Variants in CCDC148 observed in about 807,000 individuals in gnomAD.
The protein encoded by CCDC148 is coiled-coil domain containing 148.
Under a neutral mutation model 85.7 loss-of-function variants are expected in CCDC148, and 89 were observed. The observed-to-expected ratio is 1.04, with a 90% confidence interval of 0.87 to 1.24. The LOEUF (loss-of-function observed/expected upper bound fraction) is 1.24, where lower values mean the gene tolerates loss of function less well. Ranked by LOEUF, CCDC148 falls within the 50% of genes most tolerant of loss-of-function variation. The pLI, the probability that CCDC148 is intolerant of heterozygous loss-of-function variation, is 0.00. For synonymous variants in CCDC148, 230 were observed against 213.9 expected, an observed-to-expected ratio of 1.08 and a Z score of -0.66; for missense variants, 692 against 671.7, an observed-to-expected ratio of 1.03 and a Z score of -0.33.
chr2:158,203,487 T>C (rs55881207), intron 11 of CCDC148, among the ~76,000 whole-genome samples: 15,952 of 152,088 alleles, frequency 0.1, 1,241 homozygotes, highest in African/African-American at 0.23. Context: ...GCAAATGAGT[T>C]GAAAGCATAC....
chr2:158,390,461 G>A (rs1685257655), intron 1 of CCDC148, among the ~76,000 whole-genome samples: 1 of 152,110 alleles, frequency 6.6e-6, no homozygotes, highest in Admixed American at 6.6e-5. Context: ...AAAAAGAGTG[G>A]TGGGGCTGCA....
At chr2:158,330,713 C>T (rs1693057185) in intron 7 of CCDC148, among the ~76,000 whole-genome samples, 1 of 152,130 alleles carries the variant, frequency 6.6e-6, no homozygotes, top group Admixed American at 6.6e-5. Flanking sequence ...TTCAGAGATT[C>T]AACTTCTTCC....
intron 10 of CCDC148, among the ~76,000 whole-genome samples, chr2:158,243,096 T>C (rs1688419917): frequency 6.6e-6 from 1 of 152,078 alleles, no homozygotes; most frequent in African/African-American, 2.4e-5. Flanking sequence ...TTCTCTGCCT[T>C]GCAGTAAGTA....
At chr2:158,223,595 A>G (rs552594556) in intron 10 of CCDC148, among the ~76,000 whole-genome samples, 5 of 152,184 alleles carry the variant, frequency 3.3e-5, no homozygotes, top group Non-Finnish European at 7.3e-5. Flanking sequence ...GACACCTCAC[A>G]TGGCTGGGTA....
At chr2:158,379,435 C>A (rs960069285) in intron 1 of CCDC148, among the ~76,000 whole-genome samples, 4 of 151,992 alleles carry the variant, frequency 2.6e-5, no homozygotes, top group African/African-American at 9.7e-5. Flanking sequence ...TAAAGGATTT[C>A]GAATATTATA....
intron 9 of CCDC148, among the ~76,000 whole-genome samples, chr2:158,294,844 C>A (rs954574345): frequency 6.9e-5 from 10 of 145,694 alleles, no homozygotes; most frequent in South Asian, 2.2e-4. Context: ...CAAAAAAAAA[C>A]CTGCCAAAAT....
intron 1 of CCDC148, among the ~76,000 whole-genome samples, chr2:158,408,177 C>T (rs1220153246): frequency 1.3e-5 from 2 of 151,966 alleles, no homozygotes; most frequent in Non-Finnish European, 2.9e-5. Flanking sequence ...ACAATGTGTA[C>T]CACAATCTAA....
intron 10 of CCDC148, among the ~76,000 whole-genome samples, chr2:158,246,425 C>T (rs1281893147): frequency 6.6e-6 from 1 of 152,146 alleles, no homozygotes; most frequent in Admixed American, 6.5e-5. Flanking sequence ...ACATGGAAAT[C>T]TCCTTTCCTA....
chr2:158,264,222 A>G (rs1476846881), intron 9 of CCDC148, among the ~76,000 whole-genome samples: 1 of 152,076 alleles, frequency 6.6e-6, no homozygotes, highest in Non-Finnish European at 1.5e-5. Flanking sequence ...GAAACCTTCA[A>G]TGAGAATACT....
chr2:158,214,540 G>A (rs1474856862), intron 11 of CCDC148, among the ~76,000 whole-genome samples: 5 of 152,136 alleles, frequency 3.3e-5, no homozygotes, highest in African/African-American at 1.2e-4. Flanking sequence ...CAAGAGGCCA[G>A]AAAAAGCACA....
At chr2:158,421,539 A>G (rs894514855) in intron 1 of CCDC148, among the ~76,000 whole-genome samples, 14 of 152,230 alleles carry the variant, frequency 9.2e-5, no homozygotes, top group Admixed American at 7.9e-4. Context: ...TTTGAAACCA[A>G]TGAGAACAAA....
chr2:158,286,237 A>G (rs1690618595), intron 9 of CCDC148, among the ~76,000 whole-genome samples: 1 of 152,204 alleles, frequency 6.6e-6, no homozygotes, highest in Admixed American at 6.5e-5. Flanking sequence ...CTGGCAAAAG[A>G]TTGTATAGCA....
chr2:158,221,271 G>A (rs1687171376), intron 10 of CCDC148, among the ~76,000 whole-genome samples: 1 of 152,188 alleles, frequency 6.6e-6, no homozygotes, highest in Non-Finnish European at 1.5e-5. Flanking sequence ...GACTTATGTG[G>A]TAAAATAAAG....
chr2:158,441,449 G>C (rs1687928100), intron 1 of CCDC148, among the ~76,000 whole-genome samples: 2 of 152,056 alleles, frequency 1.3e-5, no homozygotes, highest in African/African-American at 4.8e-5. Context: ...CTAATTAAAA[G>C]TTTACAAAAT....
intron 1 of CCDC148, among the ~76,000 whole-genome samples, chr2:158,392,736 T>C (rs1450921216): frequency 8.5e-5 from 13 of 152,294 alleles, no homozygotes; most frequent in African/African-American, 3.1e-4. Context: ...TAAGATAATG[T>C]TACTAGACAG....
At chr2:158,422,388 G>T (rs1686841228) in intron 1 of CCDC148, among the ~76,000 whole-genome samples, 1 of 152,116 alleles carries the variant, frequency 6.6e-6, no homozygotes, top group Non-Finnish European at 1.5e-5. Context: ...TATTCACCAT[G>T]ATCAAGTGGG....
intron 11 of CCDC148, among the ~76,000 whole-genome samples, chr2:158,219,715 C>T (rs1687071866): frequency 6.6e-6 from 1 of 152,314 alleles, no homozygotes; most frequent in Admixed American, 6.5e-5. Flanking sequence ...TGGGTATTCC[C>T]TGTTTGCCTA....
chr2:158,339,104 AAGT>A lies in CCDC148; in HGVS notation c.487-22_487-20del, dbSNP rs1230574901. 2.0e-6 allele frequency: 3 copies of A among 1,517,926 alleles called. No homozygotes were observed. In the East Asian group the frequency reaches 6.8e-5, roughly 34 times the overall value. 94.0% of individuals were successfully genotyped at this position (1,517,926 alleles called of 1,614,324 possible). A position where few individuals can be genotyped will look rare whatever the true frequency, so the allele number is the denominator to read the frequency against. On this transcript the variant is annotated intron_variant, in intron 5 of 13. Transcript: ENST00000283233. ...AGTCAACCTATAGGACATTTGGAAC[AAGT>A]AGTAGGCAAATTATTGCAATTCATT... is the stretch of plus-strand genomic sequence containing the variant.
intron 1 of CCDC148, among the ~76,000 whole-genome samples, chr2:158,365,679 A>G (rs1022056515): frequency 6.6e-6 from 1 of 152,160 alleles, no homozygotes; most frequent in Non-Finnish European, 1.5e-5. Context: ...TAGGGAAGGG[A>G]TAGCATTAGG....
Sources: allele counts gnomAD v4.1 joint callset (sites outside exome capture counted in the v4.1 genomes callset), GRCh38; gene constraint gnomAD v4.1.1; transcripts MANE v1.5; gene names NCBI Gene and HGNC (gene_info 2026-07-23, HGNC 2026-07-21).